SNX29: variants seen among roughly 807,000 people sequenced by gnomAD.
SNX29 encodes sorting nexin-29.
SNX29 carries 78 observed loss-of-function variants against 102.1 expected under a neutral mutation model. That is an observed-to-expected ratio of 0.76 (90% CI 0.64 to 0.92). SNX29 has a LOEUF of 0.92. SNX29 is among the 40% of genes least tolerant of loss of function. The pLI, the probability that SNX29 is intolerant of heterozygous loss-of-function variation, is 0.00. For missense variants in SNX29, 1,280 were observed against 1,061.7 expected (o/e 1.21, Z -2.86); for synonymous variants, 580 against 414.5 (o/e 1.40, Z -4.85).
In SNX29 at chr16:12,572,236, A is replaced by C. The variant is rs2079202881; in HGVS notation, c.*3607A>C. ...AACCAGAGGCTCCTGAAAGTCGTTT[A>C]CACCAGGTGGATTGATACCATGGCT... On this transcript the variant is annotated 3_prime_UTR_variant, in exon 21 of 21. Transcript: ENST00000566228. The C allele has an allele frequency of 9.6e-7, 1 of 1,037,930 alleles. No individual in the cohort carries two copies. The highest frequency in any genetic ancestry group is 1.7e-5 in the African/African-American group (1 of 60,410). 64.3% of individuals were successfully genotyped at this position (1,037,930 alleles called of 1,614,324 possible).
At chr16:12,412,376 C>T (rs1295264643) in intron 18 of SNX29, among the ~76,000 whole-genome samples, 1 of 152,218 alleles carries the variant, frequency 6.6e-6, no homozygotes, top group African/African-American at 2.4e-5. Context: ...ACAAATTTGT[C>T]TCAGTGAAAT....
At chr16:12,558,078 T>G (rs1272160556) in intron 20 of SNX29, among the ~76,000 whole-genome samples, 4 of 152,152 alleles carry the variant, frequency 2.6e-5, no homozygotes, top group African/African-American at 9.7e-5. Flanking sequence ...GCTCTGAACA[T>G]CCCATGCAAA....
intron 15 of SNX29, among the ~76,000 whole-genome samples, chr16:12,292,790 C>T (rs1046349918): frequency 1.3e-5 from 2 of 152,200 alleles, no homozygotes; most frequent in Admixed American, 1.3e-4. Flanking sequence ...GATCTAAAAC[C>T]TTCTGTTGCC....
chr16:12,566,832 C>G (rs980734799), intron 20 of SNX29, among the ~76,000 whole-genome samples: 1 of 152,238 alleles, frequency 6.6e-6, no homozygotes, highest in African/African-American at 2.4e-5. Flanking sequence ...CGGCTTTGTT[C>G]AAGGTCAAAT....
In SNX29 at chr16:12,384,999, C is replaced by A. The variant is rs553757002; in HGVS notation, c.1900-13447C>A. On this transcript the variant is annotated intron_variant, in intron 16 of 20. Coordinates refer to ENST00000566228, the MANE Select transcript of SNX29 (RefSeq NM_032167.5). ...CAGCCTGACCAACATGGTGAAACCCCATCTCCACTAAAAATACAAAAGTAG... is the reference window on the plus strand; with the variant it reads ...CAGCCTGACCAACATGGTGAAACCCAATCTCCACTAAAAATACAAAAGTAG... 5.9e-5 allele frequency among the ~76,000 whole-genome samples: 9 copies of A among 152,244 alleles called. No individual in the cohort carries two copies. The East Asian group carries it at 1.7e-3, about 29-fold the overall frequency.
intron 18 of SNX29, among the ~76,000 whole-genome samples, chr16:12,417,568 T>C (rs9746403): frequency 0.56 from 85,111 of 151,580 alleles, 24,452 homozygotes; most frequent in Non-Finnish European, 0.63. Context: ...TCTGTTTCCC[T>C]CTTTCCTCCT....
intron 18 of SNX29, among the ~76,000 whole-genome samples, chr16:12,427,202 G>T (rs545544557): frequency 6.1e-4 from 93 of 152,232 alleles, no homozygotes; most frequent in African/African-American, 2.0e-3. Context: ...TCTTCTCGGT[G>T]CCAACCCTCT....
chr16:11,977,977 A>G (rs1037996817), intron 1 of SNX29: 1 of 152,008 alleles, frequency 6.6e-6, no homozygotes, highest in Non-Finnish European at 1.5e-5. Context: ...GTTGTCTTCC[A>G]CTCAGGCATT....
At chr16:12,193,068 C>T (rs1023580681) in intron 13 of SNX29, among the ~76,000 whole-genome samples, 1 of 152,202 alleles carries the variant, frequency 6.6e-6, no homozygotes, top group Non-Finnish European at 1.5e-5. Flanking sequence ...CTTCTAGGCT[C>T]AGGTGATCCT....
chr16:12,543,502 G>C (rs138517542), intron 20 of SNX29, among the ~76,000 whole-genome samples: 1 of 152,162 alleles, frequency 6.6e-6, no homozygotes, highest in Non-Finnish European at 1.5e-5. Flanking sequence ...CTGTGCTGGC[G>C]AGTCATTGTG....
chr16:12,379,887 G>T (rs753431665), intron 16 of SNX29, among the ~76,000 whole-genome samples: 1 of 152,138 alleles, frequency 6.6e-6, no homozygotes, highest in Non-Finnish European at 1.5e-5. Context: ...AGGCACTGGT[G>T]TGTGTGTTTG....
chr16:12,346,580 G>A (rs1487940056), intron 15 of SNX29, among the ~76,000 whole-genome samples: 1 of 152,168 alleles, frequency 6.6e-6, no homozygotes, highest in Non-Finnish European at 1.5e-5. Context: ...GCTCTCACAG[G>A]ACAGGTGTGA....
At chr16:12,501,094 C>G (rs576281966) in intron 19 of SNX29, among the ~76,000 whole-genome samples, 2 of 152,190 alleles carry the variant, frequency 1.3e-5, no homozygotes, top group South Asian at 4.1e-4. Flanking sequence ...CTGCCTCTTC[C>G]TATGGGCTCT....
intron 19 of SNX29, among the ~76,000 whole-genome samples, chr16:12,520,133 G>T (rs557774558): frequency 6.6e-6 from 1 of 152,164 alleles, no homozygotes; most frequent in Non-Finnish European, 1.5e-5. Flanking sequence ...CCTGTGCCGC[G>T]ATTCAGGCCA....
chr16:12,560,113 C>G (rs1294238650), intron 20 of SNX29, among the ~76,000 whole-genome samples: 3 of 151,464 alleles, frequency 2.0e-5, no homozygotes, highest in African/African-American at 4.9e-5. Flanking sequence ...AGTTGACAAG[C>G]TATTCTAGTT....
chr16:12,547,345 C>G (rs1290025281), intron 20 of SNX29, among the ~76,000 whole-genome samples: 2 of 152,184 alleles, frequency 1.3e-5, no homozygotes, highest in South Asian at 2.1e-4. Context: ...GCCAAGGGAA[C>G]TCTAGCTGCC....
rs2078360090 is a variant in SNX29, at chr16:12,556,503, C to G, written c.2319-12003C>G. On this transcript the variant is annotated intron_variant, in intron 20 of 20. Transcript: ENST00000566228. ...GAGGAGTTAGGGCATGGCAGGCAGT[C>G]CCCGTGTTGCCAGAGGAAGTGACGA... 3.9e-5 allele frequency: 6 copies of G among 152,116 alleles called. No homozygotes were observed. In the South Asian group the frequency reaches 1.2e-3, roughly 31 times the overall value. The allele number at this position is 152,116 out of a possible 1,614,324, so 9.4% of individuals were successfully genotyped here. A position where few individuals can be genotyped will look rare whatever the true frequency, so the allele number is the denominator to read the frequency against.
At chr16:12,152,766 T>C (rs1477721261) in intron 13 of SNX29, among the ~76,000 whole-genome samples, 2 of 152,226 alleles carry the variant, frequency 1.3e-5, no homozygotes, top group Non-Finnish European at 2.9e-5. Context: ...AGCTCTATTA[T>C]TTTTTACATT....
At chr16:12,464,813 A>T (rs926790554) in intron 18 of SNX29, among the ~76,000 whole-genome samples, 1 of 151,790 alleles carries the variant, frequency 6.6e-6, no homozygotes, top group Non-Finnish European at 1.5e-5. Flanking sequence ...TGGTAGTGCT[A>T]TTTTTATTTG....
Sources: allele counts gnomAD v4.1 joint callset (sites outside exome capture counted in the v4.1 genomes callset), GRCh38; gene constraint gnomAD v4.1.1; transcripts MANE v1.5; gene names NCBI Gene and HGNC (gene_info 2026-07-23, HGNC 2026-07-21).